Variants in GNAO1 observed in about 807,000 individuals in gnomAD.
The protein encoded by GNAO1 is G protein subunit alpha o1, also known as guanine nucleotide-binding protein G(o) subunit alpha.
For missense variants in GNAO1, 166 were observed against 478.7 expected (o/e 0.35, Z 6.10); for synonymous variants, 164 against 180.7 (o/e 0.91, Z 0.74).
Position 56,334,955 on chromosome 16 carries a change from G to GC in GNAO1, c.593+102dup. 4 of 1,339,432 alleles carry GC rather than the reference G, an allele frequency of 3.0e-6. No homozygotes were observed. The South Asian group carries it at 5.1e-5, about 17-fold the overall frequency. The allele number at this position is 1,339,432 out of a possible 1,614,324, so 83.0% of individuals were successfully genotyped here. A position where few individuals can be genotyped will look rare whatever the true frequency, so the allele number is the denominator to read the frequency against. On this transcript the variant is annotated intron_variant, in intron 5 of 8. Transcript: ENST00000262493. ...GTTTACAGCGCCCAAACATCATCCT[G>GC]CCCCAGGGAACCTGCGGGCTGGGGC...
intron 3 of GNAO1, among the ~76,000 whole-genome samples, chr16:56,306,497 G>C (rs2037397780): frequency 1.3e-5 from 2 of 152,210 alleles, no homozygotes. Context: ...CTTATGACCA[G>C]CTGTCCCCAA....
At chr16:56,324,187 A>T (rs1308868120) in intron 3 of GNAO1, among the ~76,000 whole-genome samples, 1 of 152,236 alleles carries the variant, frequency 6.6e-6, no homozygotes, top group East Asian at 1.9e-4. Context: ...ATTAAATTCC[A>T]GGCCACACAT....
Position 56,351,798 on chromosome 16 carries a change from G to T in GNAO1, c.877+261G>T, listed in dbSNP as rs2037924068. 8 of 434,250 alleles carry T rather than the reference G, an allele frequency of 1.8e-5. No individual in the cohort carries two copies. The South Asian group carries it at 2.5e-4, about 14-fold the overall frequency. 26.9% of individuals were successfully genotyped at this position (434,250 alleles called of 1,614,324 possible). Reference sequence around the variant, plus strand: ...GTGACTCAGGAGTGGTGGGGAGCAGGGGGCAGGACAGGATCACAGGCTTCC... The same window carrying T: ...GTGACTCAGGAGTGGTGGGGAGCAGTGGGCAGGACAGGATCACAGGCTTCC... On this transcript the variant is annotated intron_variant, in intron 7 of 8. Transcript: ENST00000262493. This position sits in a 1 kb window ranked among gnomAD's most constrained non-coding sequence, Gnocchi z 6.1.
chr16:56,327,706 C>T (rs1021311437), intron 3 of GNAO1, among the ~76,000 whole-genome samples: 2 of 152,100 alleles, frequency 1.3e-5, no homozygotes, highest in African/African-American at 4.8e-5. Context: ...GGGAAGAAAC[C>T]TGTTAATTAT....
At chr16:56,204,814 C>G (rs2036311877) in intron 2 of GNAO1, among the ~76,000 whole-genome samples, 1 of 152,162 alleles carries the variant, frequency 6.6e-6, no homozygotes, top group Non-Finnish European at 1.5e-5. Context: ...AGCTCTGTTC[C>G]TGTTTAGCTT....
intron 3 of GNAO1, among the ~76,000 whole-genome samples, chr16:56,291,893 G>A (rs767258867): frequency 3.9e-5 from 6 of 152,120 alleles, no homozygotes; most frequent in Non-Finnish European, 8.8e-5. Context: ...GATCTCATTC[G>A]AGATGGCAAC....
intron 6 of GNAO1, chr16:56,346,265 CAA>C: frequency 2.0e-6 from 2 of 985,406 alleles, no homozygotes; most frequent in Non-Finnish European, 2.4e-6. Flanking sequence ...CTGAGGGTGA[CAA>C]ATGAGATTTG....
chr16:56,199,517 A>T (rs150207781), intron 2 of GNAO1, among the ~76,000 whole-genome samples: 1 of 152,340 alleles, frequency 6.6e-6, no homozygotes, highest in East Asian at 1.9e-4. Context: ...TAAGGTGCCT[A>T]AAACCCAGGG....
At chr16:56,345,292 ATG>A in intron 6 of GNAO1, 2 of 985,202 alleles carry the variant, frequency 2.0e-6, no homozygotes, top group Non-Finnish European at 2.4e-6. Flanking sequence ...GGGGACCTAG[ATG>A]TGCCATGGGA....
chr16:56,279,984 A>G (rs2037099597), intron 3 of GNAO1, among the ~76,000 whole-genome samples: 1 of 152,244 alleles, frequency 6.6e-6, no homozygotes, highest in Non-Finnish European at 1.5e-5. Flanking sequence ...CATCCCATTA[A>G]TGGAATGACA....
intron 2 of GNAO1, among the ~76,000 whole-genome samples, chr16:56,259,907 A>G (rs952002721): frequency 6.6e-6 from 1 of 152,154 alleles, no homozygotes; most frequent in African/African-American, 2.4e-5. Context: ...CTTCCTCTGA[A>G]TGTGCCTGAA....
intron 2 of GNAO1, among the ~76,000 whole-genome samples, chr16:56,216,011 G>A (rs1261837874): frequency 6.6e-6 from 1 of 152,132 alleles, no homozygotes; most frequent in Non-Finnish European, 1.5e-5. Flanking sequence ...TACAGATCTT[G>A]GAGTTTTTAG....
chr16:56,251,455 C>T (rs1489904544), intron 2 of GNAO1, among the ~76,000 whole-genome samples: 1 of 152,156 alleles, frequency 6.6e-6, no homozygotes, highest in Non-Finnish European at 1.5e-5. Flanking sequence ...TAAACAACAT[C>T]ATTAAGCTCA....
intron 2 of GNAO1, 182 bp downstream of exon 2, chr16:56,192,798 C>T (rs2036191694): frequency 1.7e-6 from 1 of 596,504 alleles, no homozygotes. Context: ...GGTTCTGGGT[C>T]CTCCACCCTA....
intron 2 of GNAO1, among the ~76,000 whole-genome samples, chr16:56,232,742 G>T (rs955136676): frequency 6.6e-6 from 1 of 152,068 alleles, no homozygotes. Flanking sequence ...TATAAAATAC[G>T]TTGGAAAAAA....
chr16:56,324,918 A>G (rs1046890664), intron 3 of GNAO1, among the ~76,000 whole-genome samples: 9 of 152,248 alleles, frequency 5.9e-5, no homozygotes, highest in Non-Finnish European at 1.0e-4. Flanking sequence ...ACATGTAAAT[A>G]GCACTTTAGC....
intron 2 of GNAO1, among the ~76,000 whole-genome samples, chr16:56,236,698 G>GTTACACCAGCGCT (rs1392535916): frequency 5.3e-5 from 8 of 152,150 alleles, no homozygotes; most frequent in African/African-American, 1.9e-4. Flanking sequence ...TGGCATTATA[G>GTTACACCAGCGCT]TTACACCAGC....
chr16:56,259,081 G>A (rs141631760), intron 2 of GNAO1, among the ~76,000 whole-genome samples: 173 of 152,342 alleles, frequency 1.1e-3, no homozygotes, highest in African/African-American at 4.0e-3. Context: ...ATCAGTGGGC[G>A]TCAGCAAGTC....
At chr16:56,355,139 CA>C in intron 8 of GNAO1, 58 bp downstream of exon 8, 2 of 631,204 alleles carry the variant, frequency 3.2e-6, no homozygotes, top group South Asian at 2.5e-5. Context: ...CACACACACA[CA>C]CACACACACA....
Sources: gnomAD v4.1 joint callset for allele counts (sites outside exome capture counted in the v4.1 genomes callset) on GRCh38, gnomAD v4.1.1 for gene constraint, Gnocchi (gnomAD v3.1) non-coding constraint, MANE v1.5 for transcripts, NCBI Gene and HGNC (gene_info 2026-07-23, HGNC 2026-07-21) for gene names.